CSMD1: variants seen among roughly 807,000 people sequenced by gnomAD.
CSMD1 encodes CUB and sushi domain-containing protein 1.
In CSMD1, 213 loss-of-function variants were observed where a neutral mutation model predicts 417.5. The ratio of observed to expected loss-of-function variants is 0.51; its 90% CI spans 0.46 to 0.57. The LOEUF (loss-of-function observed/expected upper bound fraction) is 0.57, where lower values mean the gene tolerates loss of function less well. CSMD1 is among the 20% of genes least tolerant of loss of function. The pLI is 0.00. For synonymous variants in CSMD1, 2,862 were observed against 1,736.8 expected (o/e 1.65, Z -16.11); for missense variants, 6,923 against 4,529.7 (o/e 1.53, Z -15.17).
chr8:3,676,871 GA>G (rs764373998), intron 7 of CSMD1, among the ~76,000 whole-genome samples: 144 of 152,254 alleles, frequency 9.5e-4, no homozygotes, highest in Non-Finnish European at 1.8e-3. Context: ...GATGAAGCTG[GA>G]AACCATCATT....
chr8:3,099,155 G>A (rs1042774453), intron 46 of CSMD1, among the ~76,000 whole-genome samples: 1 of 151,952 alleles, frequency 6.6e-6, no homozygotes, highest in South Asian at 2.1e-4. Flanking sequence ...GAAGCCAGCA[G>A]ACTTCACTCA....
intron 7 of CSMD1, among the ~76,000 whole-genome samples, chr8:3,633,462 G>T (rs953744680): frequency 6.6e-6 from 1 of 152,146 alleles, no homozygotes; most frequent in African/African-American, 2.4e-5. Flanking sequence ...TCTAACATAT[G>T]TATAATACAA....
chr8:4,496,430 A>G (rs994171250), intron 2 of CSMD1, among the ~76,000 whole-genome samples: 2 of 152,214 alleles, frequency 1.3e-5, no homozygotes, highest in East Asian at 1.9e-4. Flanking sequence ...GAAAGAAAAC[A>G]TAAAAGCCTG....
chr8:4,953,231 A>C (rs186348420), intron 1 of CSMD1, among the ~76,000 whole-genome samples: 1 of 152,294 alleles, frequency 6.6e-6, no homozygotes, highest in Admixed American at 6.5e-5. Flanking sequence ...GTTTTGCTGA[A>C]AATTTTCCAG....
chr8:4,450,056 C>A (rs912836479), intron 2 of CSMD1, among the ~76,000 whole-genome samples: 8 of 152,162 alleles, frequency 5.3e-5, no homozygotes, highest in Non-Finnish European at 2.9e-5. Context: ...CCACTTTTCT[C>A]CCGGACCAAG....
intron 38 of CSMD1, among the ~76,000 whole-genome samples, chr8:3,159,569 G>T (rs1038828530): frequency 6.6e-6 from 1 of 152,144 alleles, no homozygotes; most frequent in African/African-American, 2.4e-5. Flanking sequence ...TGCATCTGTT[G>T]TTCCAAATAT....
intron 2 of CSMD1, among the ~76,000 whole-genome samples, chr8:4,536,758 T>C (rs1035852571): frequency 2.6e-5 from 4 of 152,232 alleles, no homozygotes; most frequent in African/African-American, 9.6e-5. Flanking sequence ...TTTGAATAGA[T>C]TCCTGGAACT....
chr8:3,521,880 G>A (rs1180767721), intron 10 of CSMD1, among the ~76,000 whole-genome samples: 1 of 152,148 alleles, frequency 6.6e-6, no homozygotes, highest in Non-Finnish European at 1.5e-5. Flanking sequence ...ACAGTTTGAT[G>A]CCAAATTTTG....
chr8:3,080,722 C>T (rs973074137), intron 49 of CSMD1, among the ~76,000 whole-genome samples: 2 of 152,110 alleles, frequency 1.3e-5, no homozygotes, highest in Non-Finnish European at 2.9e-5. Context: ...TATCTGACGG[C>T]TTATCCTATA....
chr8:3,797,854 T>C (rs578052543), intron 5 of CSMD1, among the ~76,000 whole-genome samples: 13 of 152,042 alleles, frequency 8.6e-5, no homozygotes, highest in Non-Finnish European at 1.8e-4. Flanking sequence ...AAGGTGATTG[T>C]ACCATTTTAT....
intron 3 of CSMD1, among the ~76,000 whole-genome samples, chr8:4,152,783 C>A (rs1277231194): frequency 6.6e-6 from 1 of 151,974 alleles, no homozygotes; most frequent in African/African-American, 2.4e-5. Flanking sequence ...TATATGCATG[C>A]ATTTTTATGG....
intron 5 of CSMD1, among the ~76,000 whole-genome samples, chr8:3,982,214 T>C (rs1188683771): frequency 6.8e-6 from 1 of 146,722 alleles, no homozygotes; most frequent in African/African-American, 2.5e-5. Context: ...ATAATAATAA[T>C]AAACTAGTTA....
At position 4,977,616 on chromosome 8, in the gene CSMD1, C is replaced by T. The variant is rs76608619; in HGVS notation, c.85+16716G>A. ...TGAAATCACTCTCCTGAACACGCACCCACCCACAGCTGCTGCCTTACCCCA... is the reference window on the plus strand; with the variant it reads ...TGAAATCACTCTCCTGAACACGCACTCACCCACAGCTGCTGCCTTACCCCA... On this transcript the variant is annotated intron_variant, in intron 1 of 69. Coordinates refer to ENST00000635120, the MANE Select transcript of CSMD1 (RefSeq NM_033225.6). 3.7e-3 allele frequency among the ~76,000 whole-genome samples: 561 copies of T among 152,282 alleles called. 8 individuals carry two copies. The East Asian group carries it at 0.041, about 11-fold the overall frequency.
At chr8:4,347,863 G>A (rs1041228834) in intron 3 of CSMD1, among the ~76,000 whole-genome samples, 1 of 151,880 alleles carries the variant, frequency 6.6e-6, no homozygotes, top group Non-Finnish European at 1.5e-5. Flanking sequence ...ACAGATCAGA[G>A]GTAATTTCCA....
At chr8:4,448,580 T>C (rs1305011446) in intron 2 of CSMD1, among the ~76,000 whole-genome samples, 3 of 152,214 alleles carry the variant, frequency 2.0e-5, no homozygotes, top group Admixed American at 6.5e-5. Flanking sequence ...CCTTCCTGTA[T>C]TGTGCAATTT....
intron 2 of CSMD1, among the ~76,000 whole-genome samples, chr8:4,433,369 C>A (rs934294155): frequency 6.6e-6 from 1 of 152,110 alleles, no homozygotes; most frequent in African/African-American, 2.4e-5. Flanking sequence ...CTCATAATAT[C>A]ATGGACATGA....
chr8:4,333,945 G>A (rs1800017082), intron 3 of CSMD1, among the ~76,000 whole-genome samples: 1 of 151,930 alleles, frequency 6.6e-6, no homozygotes, highest in Non-Finnish European at 1.5e-5. Context: ...AGACTGGAGG[G>A]CAGTGACACC....
At chr8:3,284,441 A>T in intron 25 of CSMD1, 95 bp from the exon 26 acceptor site, 1 of 845,690 alleles carries the variant, frequency 1.2e-6, no homozygotes, top group Non-Finnish European at 1.9e-6. Context: ...GCTTTCACAC[A>T]ACCCCCACCA....
chr8:4,751,841 G>A (rs151237607), intron 1 of CSMD1, among the ~76,000 whole-genome samples: 5 of 152,242 alleles, frequency 3.3e-5, no homozygotes, highest in Non-Finnish European at 7.4e-5. Flanking sequence ...CATGTTCTCT[G>A]TCCGAAAATA....
Sources: allele counts gnomAD v4.1 joint callset (sites outside exome capture counted in the v4.1 genomes callset), GRCh38; gene constraint gnomAD v4.1.1; transcripts MANE v1.5; gene names NCBI Gene and HGNC (gene_info 2026-07-23, HGNC 2026-07-21).